Variants in NTAN1 observed in about 807,000 individuals in gnomAD.
NTAN1 encodes the protein N-terminal asparagine amidase, also known as protein N-terminal asparagine amidohydrolase.
NTAN1 carries 32 observed loss-of-function variants against 41.9 expected under a neutral mutation model. That is an observed-to-expected ratio of 0.76 (90% CI 0.58 to 1.03). The LOEUF is 1.03. Ranked by LOEUF, NTAN1 falls within the 50% of genes least tolerant of loss-of-function variation. The pLI, the probability that NTAN1 is intolerant of heterozygous loss-of-function variation, is 0.00. For missense variants in NTAN1, 377 were observed against 377.5 expected (o/e 1.00, Z 0.01); for synonymous variants, 140 against 139.5 (o/e 1.00, Z -0.03).
At chr16:15,039,389 G>A (rs986719573) in intron 8 of NTAN1, among the ~76,000 whole-genome samples, 10 of 152,092 alleles carry the variant, frequency 6.6e-5, no homozygotes, top group African/African-American at 2.2e-4. Context: ...TGTGATTTCC[G>A]TTTTTTCACA....
chr16:15,040,042 A>C lies in NTAN1; in HGVS notation c.566T>G (p.Ile189Ser), dbSNP rs1475646648. 1.2e-6 allele frequency: 2 copies of C among 1,610,018 alleles called. No individual in the cohort carries two copies. Among genetic ancestry groups the C allele is most frequent in the Non-Finnish European group, 1.7e-6 (2 of 1,176,502 alleles). The change falls in exon 8 of 10, where the codon ATT (isoleucine) becomes AGT (serine). Residue 189 changes from isoleucine to serine, a missense_variant. Coordinates refer to ENST00000287706, the MANE Select transcript of NTAN1 (RefSeq NM_173474.4). ...CCGATCTTGAAAGGATGCTCTGTAA[A>C]TCTCTGCAGTCTTAATGTTGACAGC... ...GIAVNIKTAE[I>S]YRASFQDRGP...
chr16:15,048,161 A>C, intron 1 of NTAN1, 62 bp from the exon 2 acceptor site: 1 of 1,226,786 alleles, frequency 8.2e-7, no homozygotes, highest in East Asian at 2.4e-5. Context: ...AAAACTAAAG[A>C]TGTGGAGAGA....
intron 1 of NTAN1, among the ~76,000 whole-genome samples, chr16:15,052,970 AG>A (rs2044356561): frequency 6.6e-6 from 1 of 152,180 alleles, no homozygotes; most frequent in African/African-American, 2.4e-5. Flanking sequence ...TGACTAAGGG[AG>A]GGCTCTAAAC....
At chr16:15,038,401 C>CT (rs2043642927) in intron 9 of NTAN1, 173 bp downstream of exon 9, 1 of 623,460 alleles carries the variant, frequency 1.6e-6, no homozygotes, top group African/African-American at 1.8e-5. Context: ...CCATCTAGGA[C>CT]TTGACATATC....
chr16:15,041,853 C>G (rs571586961), intron 5 of NTAN1, among the ~76,000 whole-genome samples, 177 bp from the exon 6 acceptor site: 2 of 152,328 alleles, frequency 1.3e-5, no homozygotes, highest in African/African-American at 4.8e-5. Context: ...GAGCTGACAC[C>G]ACAGAACCCT....
At chr16:15,040,088 C>T in intron 7 of NTAN1, 22 bp from the exon 8 acceptor site, 1 of 1,348,920 alleles carries the variant, frequency 7.4e-7, no homozygotes. Flanking sequence ...AACAGGATGA[C>T]TCTGAATTGA....
rs545135859 is a variant in NTAN1, at chr16:15,054,881, G to C, written c.81+1010C>G. On this transcript the variant is annotated intron_variant, in intron 1 of 9. Transcript: ENST00000287706. ...AATCACAAACTGTACAGCTGTGACA[G>C]ATGAAACCTCTAAATGCCTTCCCCA... Among the ~76,000 whole-genome samples the C allele has an allele frequency of 6.6e-5, 10 of 152,340 alleles. No homozygotes were observed. The East Asian group carries it at 1.3e-3, about 21-fold the overall frequency.
chr16:15,047,593 G>T, intron 3 of NTAN1, 43 bp from the exon 4 acceptor site: 1 of 1,381,492 alleles, frequency 7.2e-7, no homozygotes, highest in Non-Finnish European at 1.0e-6. Flanking sequence ...TCCCTGATGC[G>T]AGTGCAGTGC....
chr16:15,042,070 G>A (rs1397977980), intron 5 of NTAN1, among the ~76,000 whole-genome samples: 1 of 152,064 alleles, frequency 6.6e-6, no homozygotes, highest in Non-Finnish European at 1.5e-5. Flanking sequence ...AAATACAAGA[G>A]AACATAAGGA....
chr16:15,045,628 A>G (rs2044027190), intron 4 of NTAN1: 1 of 152,448 alleles, frequency 6.6e-6, no homozygotes, highest in Non-Finnish European at 1.5e-5. Flanking sequence ...AAAACAAAAC[A>G]AAAAGACTGG....
rs1474135641 is a variant in NTAN1, at chr16:15,053,869, G to A, written c.81+2022C>T. On this transcript the variant is annotated intron_variant, in intron 1 of 9. Transcript: ENST00000287706. ...AGAGGTTGCAGTGAGCCGAGATTGT[G>A]CCACAGCAATCCAGCCTGGGCCACA... Among the ~76,000 whole-genome samples, 6 of 152,172 alleles carry A rather than the reference G, an allele frequency of 3.9e-5. No homozygotes were observed. The East Asian group carries it at 9.6e-4, about 24-fold the overall frequency.
At chr16:15,045,269 C>T (rs945209334) in intron 4 of NTAN1, 1 of 152,188 alleles carries the variant, frequency 6.6e-6, no homozygotes, top group Non-Finnish European at 1.5e-5. Context: ...TGCACTCCAG[C>T]TCTGGGCAAT....
intron 1 of NTAN1, among the ~76,000 whole-genome samples, chr16:15,051,011 C>T (rs1327023466): frequency 6.6e-6 from 1 of 152,182 alleles, no homozygotes; most frequent in East Asian, 1.9e-4. Flanking sequence ...CAGGTGACAG[C>T]CTCTCATTTT....
chr16:15,048,191 G>A (rs1466359343), intron 1 of NTAN1, 92 bp from the exon 2 acceptor site: 2 of 814,068 alleles, frequency 2.5e-6, no homozygotes, highest in African/African-American at 1.7e-5. Flanking sequence ...GGCTCTGCGT[G>A]GGCAGCACGC....
chr16:15,042,415 C>T (rs1414982999), intron 5 of NTAN1, among the ~76,000 whole-genome samples: 3 of 152,014 alleles, frequency 2.0e-5, no homozygotes, highest in East Asian at 1.9e-4. Flanking sequence ...GTCTCGAACT[C>T]GTGACCTAAA....
At chr16:15,055,379 G>A (rs545647287) in intron 1 of NTAN1, among the ~76,000 whole-genome samples, 58 of 152,300 alleles carry the variant, frequency 3.8e-4, no homozygotes, top group Middle Eastern at 3.4e-3. Flanking sequence ...CCTACGCCCC[G>A]GGGGTAGGGG....
At chr16:15,039,796 C>G (rs1363966992) in intron 8 of NTAN1, among the ~76,000 whole-genome samples, 173 bp downstream of exon 8, 3 of 152,184 alleles carry the variant, frequency 2.0e-5, no homozygotes, top group African/African-American at 7.2e-5. Flanking sequence ...ATGTTCATTA[C>G]TATTTTGAGA....
intron 1 of NTAN1, among the ~76,000 whole-genome samples, chr16:15,055,243 A>G (rs1191214665): frequency 2.0e-5 from 3 of 152,190 alleles, no homozygotes; most frequent in African/African-American, 4.8e-5. Context: ...CGTGGACAAG[A>G]GTTCAGAGAT....
intron 3 of NTAN1, 75 bp downstream of exon 3, chr16:15,047,778 ACT>A (rs1296437543): frequency 3.9e-5 from 49 of 1,243,534 alleles, no homozygotes; most frequent in Non-Finnish European, 4.1e-5. Flanking sequence ...ACACCAGGAA[ACT>A]CAACACGAGA....
Sources: allele counts gnomAD v4.1 joint callset (sites outside exome capture counted in the v4.1 genomes callset), GRCh38; gene constraint gnomAD v4.1.1; transcripts MANE v1.5; gene names NCBI Gene and HGNC (gene_info 2026-07-23, HGNC 2026-07-21).